ANKRD31: variants seen among roughly 807,000 people sequenced by gnomAD.
ANKRD31 encodes the protein ankyrin repeat domain-containing protein 31.
In ANKRD31, 147 loss-of-function variants were observed where a neutral mutation model predicts 186.0. The observed-to-expected ratio is 0.79, with a 90% CI of 0.69 to 0.91. The LOEUF (loss-of-function observed/expected upper bound fraction) is 0.91. ANKRD31 is among the 40% of genes least tolerant of loss of function. The pLI is 0.00. For missense variants in ANKRD31, 1,986 were observed against 2,148.8 expected, an observed-to-expected ratio of 0.92 and a Z score of 1.50; for synonymous variants, 673 against 736.4, an observed-to-expected ratio of 0.91 and a Z score of 1.39.
intron 3 of ANKRD31, among the ~76,000 whole-genome samples, chr5:75,217,573 G>T (rs1207756406): frequency 6.6e-6 from 1 of 152,028 alleles, no homozygotes; most frequent in East Asian, 1.9e-4. Flanking sequence ...AATTAGGATT[G>T]CATCACCTGC....
In ANKRD31 at chr5:75,154,356, G is replaced by GTTA; in HGVS notation, c.1708-14_1708-12dup. On this transcript the variant is annotated splice_polypyrimidine_tract_variant and intron_variant, in intron 11 of 25. Coordinates refer to ENST00000506364, the MANE Select transcript of ANKRD31 (RefSeq NM_001372053.1). ...AAGTAACTCTGCCACCTAGAAAAAGGTTATTTATGTAAGGGAACCCAGATT... is the reference window on the plus strand; with the variant it reads ...AAGTAACTCTGCCACCTAGAAAAAGGTTATTATTTATGTAAGGGAACCCAGATT... The GTTA allele has an allele frequency of 2.6e-6, 4 of 1,524,498 alleles. No homozygotes were observed. Among genetic ancestry groups the GTTA allele is most frequent in the Non-Finnish European group, 3.5e-6 (4 of 1,141,250 alleles). The allele number at this position is 1,524,498 out of a possible 1,614,324, so 94.4% of individuals were successfully genotyped here.
intron 15 of ANKRD31, among the ~76,000 whole-genome samples, chr5:75,141,568 T>C (rs1273414560): frequency 6.6e-6 from 1 of 151,764 alleles, no homozygotes; most frequent in African/African-American, 2.4e-5. Flanking sequence ...AATTTAAAAA[T>C]TAGCAGGGTG....
intron 22 of ANKRD31, among the ~76,000 whole-genome samples, chr5:75,092,042 T>C (rs921023751): frequency 1.7e-4 from 26 of 151,992 alleles, no homozygotes; most frequent in Admixed American, 1.4e-3. Flanking sequence ...ACTTGAAAAA[T>C]CACCTTTGGC....
intron 9 of ANKRD31, among the ~76,000 whole-genome samples, chr5:75,192,385 T>C (rs971710992): frequency 1.3e-5 from 2 of 152,206 alleles, no homozygotes; most frequent in African/African-American, 4.8e-5. Flanking sequence ...TTCATAGCCA[T>C]ATGCTAGGTT....
intron 17 of ANKRD31, among the ~76,000 whole-genome samples, chr5:75,128,038 A>G (rs553273542): frequency 1.3e-5 from 2 of 152,286 alleles, no homozygotes; most frequent in South Asian, 2.1e-4. Context: ...GCAGTTTTTC[A>G]TTGTCATATT....
intron 24 of ANKRD31, among the ~76,000 whole-genome samples, chr5:75,083,844 T>C (rs1292572682): frequency 6.6e-6 from 1 of 152,204 alleles, no homozygotes; most frequent in African/African-American, 2.4e-5. Flanking sequence ...AGGAATGAAG[T>C]ATGGATACAT....
intron 25 of ANKRD31, among the ~76,000 whole-genome samples, chr5:75,070,809 G>T (rs1290588130): frequency 6.6e-6 from 1 of 152,164 alleles, no homozygotes; most frequent in African/African-American, 2.4e-5. Flanking sequence ...AATTTTGTCT[G>T]GGGCTGGGCA....
intron 4 of ANKRD31, among the ~76,000 whole-genome samples, chr5:75,207,251 T>C (rs1486895653): frequency 6.6e-6 from 1 of 152,174 alleles, no homozygotes; most frequent in African/African-American, 2.4e-5. Context: ...AAGTGATCAG[T>C]ATAAGCTGTC....
rs1319664150 is a variant in ANKRD31, at chr5:75,147,117, T to C, written c.2294A>G (p.Tyr765Cys). The C allele has an allele frequency of 1.3e-6, 2 of 1,536,388 alleles. No individual in the cohort carries two copies. Among genetic ancestry groups the C allele is most frequent in the South Asian group, 1.2e-5 (1 of 84,036 alleles). Reference sequence around the variant, plus strand: ...ATGAGTTTCTGGAATATGCTGCTGATAGGTAACCAATCTGTTTATTCTCCT... The same window carrying C: ...ATGAGTTTCTGGAATATGCTGCTGACAGGTAACCAATCTGTTTATTCTCCT... ...PSRRINRLVT[Y>C]QQHIPETHND... The change falls in exon 14 of 26, where the codon TAT becomes TGT. Residue 765 changes from tyrosine (Y) to cysteine (C), a missense_variant. Transcript: ENST00000506364.
At position 75,099,716 on chromosome 5, in the gene ANKRD31, C is replaced by T. The variant is rs552559114; in HGVS notation, c.5331+4512G>A. Among the ~76,000 whole-genome samples the T allele has an allele frequency of 3.9e-5, 6 of 152,134 alleles. No individual in the cohort carries two copies. In the East Asian group the frequency reaches 5.8e-4, roughly 15 times the overall value. ...TCTTCTAGATTTTCTTGTTTATTTG[C>T]GTATAGGTGTTTATAGTATTCTCTG... On this transcript the variant is annotated intron_variant, in intron 22 of 25. Coordinates refer to ENST00000506364, the MANE Select transcript of ANKRD31 (RefSeq NM_001372053.1).
chr5:75,114,546 G>A (rs183427977), intron 19 of ANKRD31, among the ~76,000 whole-genome samples: 65 of 152,234 alleles, frequency 4.3e-4, no homozygotes, highest in Middle Eastern at 3.4e-3. Flanking sequence ...ATTTTGGGCT[G>A]AGACAATGGG....
At chr5:75,139,498 C>T (rs370335390) in intron 15 of ANKRD31, among the ~76,000 whole-genome samples, 5 of 152,054 alleles carry the variant, frequency 3.3e-5, no homozygotes, top group Non-Finnish European at 5.9e-5. Flanking sequence ...ACAAGTTAGA[C>T]AGACTTAAGT....
intron 21 of ANKRD31, among the ~76,000 whole-genome samples, chr5:75,106,123 T>A (rs1173909847): frequency 6.6e-6 from 1 of 152,114 alleles, no homozygotes; most frequent in African/African-American, 2.4e-5. Context: ...AACAAAAGAA[T>A]ACACAACACA....
chr5:75,126,812 T>C (rs1472387707), intron 17 of ANKRD31, among the ~76,000 whole-genome samples: 1 of 152,174 alleles, frequency 6.6e-6, no homozygotes, highest in Non-Finnish European at 1.5e-5. Flanking sequence ...CAAGTTGTAA[T>C]TTTATATATG....
In ANKRD31 at chr5:75,210,774, G is replaced by T. The variant is rs936285053; in HGVS notation, c.326+54C>A. Reference sequence around the variant, plus strand: ...AAAAATGAATATTCATCTTAGATGTGCAAAATGACAAAAATACCTACAACA... The same window carrying T: ...AAAAATGAATATTCATCTTAGATGTTCAAAATGACAAAAATACCTACAACA... On this transcript the variant is annotated intron_variant, in intron 4 of 25. Coordinates refer to ENST00000506364, the MANE Select transcript of ANKRD31 (RefSeq NM_001372053.1). 2.0e-5 allele frequency: 26 copies of T among 1,279,334 alleles called. No homozygotes were observed. The Admixed American group carries it at 3.6e-4, about 18-fold the overall frequency. 79.2% of individuals were successfully genotyped at this position (1,279,334 alleles called of 1,614,324 possible).
chr5:75,118,368 A>G (rs939048320), intron 17 of ANKRD31, 71 bp from the exon 18 acceptor site: 1 of 1,239,930 alleles, frequency 8.1e-7, no homozygotes, highest in Non-Finnish European at 1.0e-6. Context: ...CATCACAAAC[A>G]CCACTGCCAA....
At chr5:75,224,129 TTATA>T (rs148986776) in intron 2 of ANKRD31, among the ~76,000 whole-genome samples, 4,224 of 105,598 alleles carry the variant, frequency 0.04, 151 homozygotes, top group East Asian at 0.19. Context: ...TCAGAAATAA[TTATA>T]TATATATATA....
chr5:75,110,640 CG>C (rs776897339), intron 20 of ANKRD31, among the ~76,000 whole-genome samples: 8 of 149,982 alleles, frequency 5.3e-5, no homozygotes, highest in Non-Finnish European at 1.0e-4. Context: ...ACCTGGGAGG[CG>C]GAGGTTCCAG....
chr5:75,230,119 A>G (rs752057381), intron 2 of ANKRD31, among the ~76,000 whole-genome samples: 2 of 151,876 alleles, frequency 1.3e-5, no homozygotes, highest in Non-Finnish European at 2.9e-5. Context: ...ACTGGCCTCC[A>G]GTCCGGGGTT....
Sources: allele counts gnomAD v4.1 joint callset (sites outside exome capture counted in the v4.1 genomes callset), GRCh38; gene constraint gnomAD v4.1.1; transcripts MANE v1.5; gene names NCBI Gene and HGNC (gene_info 2026-07-23, HGNC 2026-07-21).